Variants in MYOF observed in about 807,000 individuals in gnomAD.
MYOF encodes fer-1-like 3, myoferlin.
A neutral mutation model predicts 284.2 loss-of-function variants in MYOF; 244 were observed. That is an observed-to-expected ratio of 0.86 (90% CI 0.77 to 0.95). The LOEUF is 0.95. MYOF is among the 40% of genes least tolerant of loss of function. The pLI is 0.00. For missense variants in MYOF, 2,496 were observed against 2,560.6 expected (o/e 0.97, Z 0.54); for synonymous variants, 904 against 919.7 (o/e 0.98, Z 0.31).
At chr10:93,382,990 G>T (rs1413989373) in intron 19 of MYOF, among the ~76,000 whole-genome samples, 1 of 152,058 alleles carries the variant, frequency 6.6e-6, no homozygotes, top group African/African-American at 2.4e-5. Context: ...CTGCCTCCTG[G>T]ATTCAAGTGA....
intron 41 of MYOF, 79 bp from the exon 42 acceptor site, chr10:93,333,992 C>A: frequency 7.0e-7 from 1 of 1,438,258 alleles, no homozygotes; most frequent in Non-Finnish European, 9.4e-7. Context: ...CCTCCTCCGC[C>A]AGGGGTGTGG....
chr10:93,333,440 G>A lies in MYOF; in HGVS notation c.4720-128C>T, dbSNP rs45500404. The A allele has an allele frequency of 7.6e-3, 6,449 of 844,256 alleles. 56 individuals are homozygous for A. Among genetic ancestry groups the A allele is most frequent in the Middle Eastern group, 0.017 (75 of 4,416 alleles). 52.3% of individuals were successfully genotyped at this position (844,256 alleles called of 1,614,324 possible). On this transcript the variant is annotated intron_variant, in intron 42 of 53. Transcript: ENST00000359263. Reference sequence around the variant, plus strand: ...GACAAGGTGGCCGCCATGGCACCCCGTGCCTAAGACAAGGGAGCAATGCTC... The same window carrying A: ...GACAAGGTGGCCGCCATGGCACCCCATGCCTAAGACAAGGGAGCAATGCTC...
chr10:93,457,718 T>A (rs2056775349), intron 1 of MYOF, among the ~76,000 whole-genome samples: 1 of 148,032 alleles, frequency 6.8e-6, no homozygotes, highest in African/African-American at 2.5e-5. Context: ...AAATGCTTTG[T>A]CAGCATTATC....
chr10:93,427,261 G>A (rs1166170970), intron 4 of MYOF, among the ~76,000 whole-genome samples: 1 of 151,782 alleles, frequency 6.6e-6, no homozygotes, highest in African/African-American at 2.4e-5. Flanking sequence ...AAGGCTGGGT[G>A]CAATGGCTTG....
At chr10:93,397,086 A>G (rs1234014596) in intron 15 of MYOF, 161 bp downstream of exon 15, 6 of 562,678 alleles carry the variant, frequency 1.1e-5, no homozygotes, top group Non-Finnish European at 1.8e-5. Context: ...CAGTAACACT[A>G]TTATTAAATT....
intron 29 of MYOF, 74 bp downstream of exon 29, chr10:93,359,759 G>A: frequency 6.3e-7 from 1 of 1,579,190 alleles, no homozygotes; most frequent in Non-Finnish European, 8.6e-7. Context: ...CTGCAGAAAT[G>A]GCTAGTTAGC....
chr10:93,478,832 AAAAAAAAAAAAG>A (rs2057324797), intron 1 of MYOF, among the ~76,000 whole-genome samples: 1 of 93,654 alleles, frequency 1.1e-5, no homozygotes, highest in South Asian at 4.0e-4. Context: ...TCTCAAAAAA[AAAAAAAAAAAAG>A]AAAGAAAGAA....
At chr10:93,457,700 C>A (rs116145585) in intron 1 of MYOF, among the ~76,000 whole-genome samples, 1 of 151,444 alleles carries the variant, frequency 6.6e-6, no homozygotes. Context: ...AGCTAATCTT[C>A]GAGTACAAAA....
intron 5 of MYOF, among the ~76,000 whole-genome samples, chr10:93,424,408 G>A (rs1262027256): frequency 6.6e-6 from 1 of 152,162 alleles, no homozygotes; most frequent in Non-Finnish European, 1.5e-5. Context: ...GCCCCTGATG[G>A]TGTTACTGGT....
chr10:93,420,840 T>G (rs1301974347), intron 5 of MYOF, among the ~76,000 whole-genome samples: 1 of 152,176 alleles, frequency 6.6e-6, no homozygotes, highest in Non-Finnish European at 1.5e-5. Flanking sequence ...AGCTCAAATT[T>G]TAAGAATTTG....
chr10:93,378,681 ATG>A lies in MYOF; in HGVS notation c.2001+1180_2001+1181del, dbSNP rs142030025. 1.3e-4 allele frequency among the ~76,000 whole-genome samples: 13 copies of A among 99,318 alleles called. 2 individuals carry two copies. Among genetic ancestry groups the A allele is most frequent in the African/African-American group, 4.7e-4 (12 of 25,756 alleles). 65.2% of individuals were successfully genotyped at this position (99,318 alleles called of 152,430 possible). A position where few individuals can be genotyped will look rare whatever the true frequency, so the allele number is the denominator to read the frequency against. On this transcript the variant is annotated intron_variant, in intron 21 of 53. Transcript: ENST00000359263. ...AGTATATGTGTATATGTGTGTGTGT[ATG>A]TGTGTGTGTGTATATATATATATAT...
intron 16 of MYOF, 111 bp downstream of exon 16, chr10:93,396,031 G>T (rs979058059): frequency 8.6e-6 from 6 of 695,058 alleles, no homozygotes; most frequent in Non-Finnish European, 1.2e-5. Context: ...CATCACATTT[G>T]GCTTCTAAGA....
chr10:93,459,237 A>G lies in MYOF; in HGVS notation c.89-2300T>C, dbSNP rs76587956. Among the ~76,000 whole-genome samples the G allele has an allele frequency of 5.6e-3, 853 of 152,018 alleles. 3 individuals are homozygous for G. Among genetic ancestry groups the G allele is most frequent in the African/African-American group, 0.019 (807 of 41,436 alleles). ...ACCCCACCCTTCCCTCTCCTCATCT[A>G]ACAGAAACTCCCAATCCTCCTCTCT... On this transcript the variant is annotated intron_variant, in intron 1 of 53. Transcript: ENST00000359263.
intron 48 of MYOF, among the ~76,000 whole-genome samples, chr10:93,322,051 T>C (rs1472004696): frequency 6.6e-6 from 1 of 152,110 alleles, no homozygotes; most frequent in Non-Finnish European, 1.5e-5. Flanking sequence ...TGCATATATA[T>C]AATTAGCTGA....
intron 1 of MYOF, among the ~76,000 whole-genome samples, chr10:93,479,711 G>A (rs2057347639): frequency 6.6e-6 from 1 of 152,208 alleles, no homozygotes; most frequent in Non-Finnish European, 1.5e-5. Context: ...TTGAGTTAAT[G>A]TCAGCTGGAA....
chr10:93,401,868 T>C (rs920142881), intron 11 of MYOF, among the ~76,000 whole-genome samples: 2 of 152,030 alleles, frequency 1.3e-5, no homozygotes, highest in Non-Finnish European at 2.9e-5. Context: ...TGGCCACTTA[T>C]ATTCTGCAGT....
intron 7 of MYOF, among the ~76,000 whole-genome samples, chr10:93,405,718 C>T (rs938845818): frequency 3.3e-5 from 5 of 152,076 alleles, no homozygotes; most frequent in Non-Finnish European, 5.9e-5. Context: ...CATGAGGACA[C>T]CACATCATTT....
intron 14 of MYOF, 42 bp from the exon 15 acceptor site, chr10:93,397,332 T>C (rs1469694335): frequency 6.3e-7 from 1 of 1,592,778 alleles, no homozygotes; most frequent in Non-Finnish European, 8.6e-7. Flanking sequence ...TTCTCAATGA[T>C]TTAGTAATTA....
At chr10:93,426,616 C>T (rs1450119321) in intron 4 of MYOF, among the ~76,000 whole-genome samples, 4 of 152,266 alleles carry the variant, frequency 2.6e-5, no homozygotes, top group Middle Eastern at 3.4e-3. Context: ...GGGCTGGGCA[C>T]GGTGGCTCAT....
Sources: allele counts gnomAD v4.1 joint callset (sites outside exome capture counted in the v4.1 genomes callset), GRCh38; gene constraint gnomAD v4.1.1; transcripts MANE v1.5; gene names NCBI Gene and HGNC (gene_info 2026-07-23, HGNC 2026-07-21).